Variants in RARB observed in about 807,000 individuals in gnomAD.
RARB encodes retinoic acid receptor beta.
Under a neutral mutation model 51.9 loss-of-function variants are expected in RARB, and 17 were observed. That is an observed-to-expected ratio of 0.33 (90% CI 0.22 to 0.49). The LOEUF is 0.49. Ranked by LOEUF, RARB falls within the 20% of genes least tolerant of loss-of-function variation. RARB has a pLI of 0.99. For synonymous variants in RARB, 215 were observed against 195.4 expected (o/e 1.10, Z -0.84); for missense variants, 369 against 550.8 (o/e 0.67, Z 3.30).
intron 5 of RARB, among the ~76,000 whole-genome samples, chr3:25,175,293 G>A (rs184539429): frequency 1.6e-3 from 244 of 152,252 alleles, no homozygotes; most frequent in African/African-American, 5.4e-3. Flanking sequence ...TTTTCCACCT[G>A]TTAATAACAA....
intron 5 of RARB, among the ~76,000 whole-genome samples, chr3:25,592,281 C>T (rs898968572): frequency 2.2e-4 from 34 of 152,208 alleles, no homozygotes; most frequent in African/African-American, 8.0e-4. Flanking sequence ...CAGGACTATA[C>T]CCAGTCAAAT....
chr3:24,915,923 G>A (rs907711986), intron 2 of RARB, among the ~76,000 whole-genome samples: 1 of 152,138 alleles, frequency 6.6e-6, no homozygotes, highest in South Asian at 2.1e-4. Flanking sequence ...TCAAGGGAGA[G>A]GCTGCAGAAA....
chr3:25,300,333 G>A (rs1003449026), intron 5 of RARB, among the ~76,000 whole-genome samples: 5 of 152,242 alleles, frequency 3.3e-5, no homozygotes, highest in African/African-American at 1.2e-4. Flanking sequence ...TGTGGAGGAA[G>A]GAGAGTATGT....
chr3:25,435,095 T>C (rs1375103222), intron 1 of RARB, among the ~76,000 whole-genome samples: 1 of 152,198 alleles, frequency 6.6e-6, no homozygotes, highest in Non-Finnish European at 1.5e-5. Flanking sequence ...TCACAGATTC[T>C]CCTCAGTCCA....
chr3:25,434,529 C>CTTT (rs140015265), intron 1 of RARB, among the ~76,000 whole-genome samples: 5 of 123,032 alleles, frequency 4.1e-5, no homozygotes, highest in African/African-American at 6.3e-5. Flanking sequence ...CTTGGTACTC[C>CTTT]TTTTTTTTTT....
chr3:24,951,787 A>C (rs1559408870), intron 2 of RARB, among the ~76,000 whole-genome samples: 2 of 152,012 alleles, frequency 1.3e-5, no homozygotes, highest in Non-Finnish European at 2.9e-5. Flanking sequence ...TTTAATCCCC[A>C]CTCTTTTGGA....
At chr3:24,838,243 A>G (rs950804947) in intron 1 of RARB, among the ~76,000 whole-genome samples, 1 of 152,152 alleles carries the variant, frequency 6.6e-6, no homozygotes, top group Non-Finnish European at 1.5e-5. Context: ...ACTTGCAGCC[A>G]GAGAAATTTC....
At chr3:24,919,719 C>T (rs6808328) in intron 2 of RARB, among the ~76,000 whole-genome samples, 5,047 of 152,252 alleles carry the variant, frequency 0.033, 256 homozygotes, top group African/African-American at 0.11. Context: ...GGACCCAGAA[C>T]AATGTGCTCT....
At chr3:25,355,030 C>T (rs553490734) in intron 5 of RARB, among the ~76,000 whole-genome samples, 1 of 152,240 alleles carries the variant, frequency 6.6e-6, no homozygotes, top group East Asian at 1.9e-4. Context: ...CAAGTTATAG[C>T]ACCTTGCTGG....
intron 5 of RARB, among the ~76,000 whole-genome samples, chr3:25,407,452 T>C (rs1707442817): frequency 6.6e-6 from 1 of 152,218 alleles, no homozygotes; most frequent in Non-Finnish European, 1.5e-5. Flanking sequence ...TGCTTAAATA[T>C]GGTAGGTTCT....
At chr3:24,886,466 A>G (rs1274119853) in intron 2 of RARB, among the ~76,000 whole-genome samples, 7 of 146,202 alleles carry the variant, frequency 4.8e-5, no homozygotes, top group African/African-American at 1.0e-4. Flanking sequence ...TTTTTTTGAG[A>G]CAGGATCTTG....
chr3:25,592,089 C>T (rs1360385812), intron 5 of RARB, among the ~76,000 whole-genome samples: 1 of 152,128 alleles, frequency 6.6e-6, no homozygotes, highest in East Asian at 1.9e-4. Flanking sequence ...AGAAGTTTTT[C>T]TTTTAGGAGA....
chr3:25,472,753 T>C (rs1296799788), intron 2 of RARB, among the ~76,000 whole-genome samples: 1 of 152,230 alleles, frequency 6.6e-6, no homozygotes, highest in Non-Finnish European at 1.5e-5. Context: ...CCCATATTCC[T>C]AGTTCATTCA....
intron 2 of RARB, among the ~76,000 whole-genome samples, chr3:24,874,684 GC>G (rs1703009154): frequency 6.6e-6 from 1 of 151,042 alleles, no homozygotes. Flanking sequence ...TCTTTACATA[GC>G]TTTTTTCTTT....
At chr3:25,343,897 G>C (rs2125452652) in intron 5 of RARB, among the ~76,000 whole-genome samples, 1 of 152,260 alleles carries the variant, frequency 6.6e-6, no homozygotes, top group East Asian at 1.9e-4. Flanking sequence ...AAAGGAAAGA[G>C]GATGGCAGCT....
At chr3:24,844,670 C>T (rs1326909834) in intron 1 of RARB, among the ~76,000 whole-genome samples, 3 of 152,194 alleles carry the variant, frequency 2.0e-5, no homozygotes. Context: ...AAATATGGCA[C>T]TTCTTCAATC....
intron 5 of RARB, among the ~76,000 whole-genome samples, chr3:25,298,141 T>G (rs1046604898): frequency 1.1e-4 from 17 of 152,026 alleles, no homozygotes; most frequent in African/African-American, 3.9e-4. Flanking sequence ...CTACTTTGAC[T>G]ATGTAAACAC....
chr3:25,499,367 C>T (rs1697185321), intron 2 of RARB, among the ~76,000 whole-genome samples: 1 of 152,130 alleles, frequency 6.6e-6, no homozygotes, highest in African/African-American at 2.4e-5. Flanking sequence ...AAGTAGACTT[C>T]CTCACTCTTA....
intron 5 of RARB, among the ~76,000 whole-genome samples, chr3:25,401,025 T>C (rs1208880205): frequency 6.6e-6 from 1 of 152,174 alleles, no homozygotes; most frequent in Non-Finnish European, 1.5e-5. Flanking sequence ...AACTTTCTCA[T>C]TCTTAGTTTC....
Sources: gnomAD v4.1 joint callset for allele counts (sites outside exome capture counted in the v4.1 genomes callset) on GRCh38, gnomAD v4.1.1 for gene constraint, MANE v1.5 for transcripts, NCBI Gene and HGNC (gene_info 2026-07-23, HGNC 2026-07-21) for gene names.